HELZ2: variants seen among roughly 807,000 people sequenced by gnomAD.
The protein encoded by HELZ2 is 3'-5' exoribonuclease HELZ2.
Under a neutral mutation model 208.8 loss-of-function variants are expected in HELZ2, and 143 were observed. The observed-to-expected ratio is 0.68, with a 90% CI of 0.60 to 0.79. The LOEUF (loss-of-function observed/expected upper bound fraction) is 0.79. HELZ2 is among the 30% of genes least tolerant of loss of function. The pLI, the probability that HELZ2 is intolerant of heterozygous loss-of-function variation, is 0.00. For synonymous variants in HELZ2, 1,705 were observed against 1,693.7 expected, an observed-to-expected ratio of 1.01 and a Z score of -0.16; for missense variants, 3,690 against 3,794.5, an observed-to-expected ratio of 0.97 and a Z score of 0.72.
At chr20:63,563,805 A>G (rs575681647) in exon 8 of HELZ2, 1 of 1,602,030 alleles carries the variant, frequency 6.2e-7, no homozygotes, top group Admixed American at 1.7e-5. Flanking sequence ...CGGATGGGCG[A>G]GGTGGCCCAC....
At position 63,559,997 on chromosome 20, in the gene HELZ2, C is replaced by G. The variant is rs772801880; in HGVS notation, c.7756G>C (p.Gly2586Arg). ...ACTTGGTTGGGGTCCACAACGAAGC[C>G]CAGAAACTTCTTGAGCCAGCTCTTG... The change falls in exon 18 of 19, where the codon GGC (glycine) becomes CGC (arginine). Residue 2586 changes from glycine (G) to arginine (R), a missense_variant. Around this residue, in one of 3 missense-constraint regions of HELZ2, gnomAD observed 2,564 missense variants for 2,580.5 expected, o/e 0.99. Transcript: ENST00000467148. 1.8e-5 allele frequency: 29 copies of G among 1,612,306 alleles called. No individual in the cohort carries two copies. Among genetic ancestry groups the G allele is most frequent in the Non-Finnish European group, 2.2e-5 (26 of 1,179,990 alleles).
At chr20:63,559,816 G>C in intron 18 of HELZ2, 112 bp downstream of exon 19, 1 of 1,026,460 alleles carries the variant, frequency 9.7e-7, no homozygotes, top group Non-Finnish European at 1.4e-6. Flanking sequence ...GGGTCAGGTG[G>C]GAGGAGTCAG....
chr20:63,570,026 A>G, intron 3 of HELZ2: 1 of 439,594 alleles, frequency 2.3e-6, no homozygotes, highest in Non-Finnish European at 4.2e-6. Context: ...TCAACTCACT[A>G]CAACCTCCGC....
exon 8 of HELZ2, chr20:63,565,055 G>C (rs1343473717): frequency 1.3e-6 from 2 of 1,562,528 alleles, no homozygotes; most frequent in East Asian, 4.8e-5. Context: ...GGCCTCGGCG[G>C]TGAGCCTCTC....
chr20:63,567,192 C>A (rs751594629), exon 6 of HELZ2: 1 of 1,608,296 alleles, frequency 6.2e-7, no homozygotes, highest in East Asian at 2.2e-5. Flanking sequence ...GCTGGTAGCA[C>A]AGGAAGAGGC....
intron 7 of HELZ2, 41 bp downstream of exon 8, chr20:63,566,337 C>T (rs148389862): frequency 2.0e-6 from 3 of 1,538,188 alleles, no homozygotes; most frequent in Admixed American, 2.0e-5. Flanking sequence ...CCCGGGGTAT[C>T]CTGGGGCAGC....
exon 1 of HELZ2, chr20:63,572,244 T>C (rs200635909): frequency 6.4e-7 from 1 of 1,568,794 alleles, no homozygotes; most frequent in Non-Finnish European, 8.6e-7. Flanking sequence ...GAGTGGCAGG[T>C]GACCAAGCAG....
At chr20:63,570,900 A>C in intron 1 of HELZ2, 32 bp from the exon 3 acceptor site, 1 of 1,535,846 alleles carries the variant, frequency 6.5e-7, no homozygotes, top group Non-Finnish European at 8.8e-7. Context: ...AGGGCTACAC[A>C]GAGGCACAGC....
chr20:63,561,235 C>T lies in HELZ2; in HGVS notation c.6993G>A (p.Leu2331=), dbSNP rs150377180. Residue 2331 remains leucine, a synonymous_variant, in exon 14 of 19, where the codon CTG becomes CTA. Transcript: ENST00000467148. ...TGCAGAGGATGACCTCATGCCGGTCCAGCTCGAACTTCCGAGCCTCCCACA... is the reference window on the plus strand; with the variant it reads ...TGCAGAGGATGACCTCATGCCGGTCTAGCTCGAACTTCCGAGCCTCCCACA... The T allele has an allele frequency of 9.7e-5, 157 of 1,612,820 alleles. No homozygotes were observed. The African/African-American group carries it at 1.9e-3, about 19-fold the overall frequency.
chr20:63,570,647 A>AGGCCCCCCC, intron 2 of HELZ2, 36 bp from the exon 4 acceptor site: 11 of 1,497,340 alleles, frequency 7.3e-6, no homozygotes, highest in Non-Finnish European at 9.2e-6. Context: ...AGAGGCCTGG[A>AGGCCCCCCC]CCCCACCCCA....
At chr20:63,562,339 G>C (rs1469528427) in exon 9 of HELZ2, 1 of 1,596,276 alleles carries the variant, frequency 6.3e-7, no homozygotes, top group Admixed American at 1.7e-5. Flanking sequence ...CTGGTGACCA[G>C]CGGGGACGCC....
chr20:63,567,230 G>A lies in HELZ2; in HGVS notation c.2128C>T (p.Arg710Trp), dbSNP rs35691275. 4.3e-4 allele frequency: 693 copies of A among 1,607,814 alleles called. 2 individuals carry two copies. The highest frequency in any genetic ancestry group is 2.3e-3 in the Middle Eastern group (14 of 6,062). Residue 710 changes from arginine to tryptophan, a missense_variant, in exon 6 of 19, where the codon CGG becomes TGG. By Grantham distance (101) the Arg-to-Trp change is moderately radical. Coordinates refer to ENST00000467148, the Ensembl canonical transcript of HELZ2. ...TGCAGCAGCGTGTGCTCGGCCGCCC[G>A]GGCCCTGGCCACACTGAACAGCCGG...
At chr20:63,570,073 C>T (rs377419403) in intron 3 of HELZ2, 64 of 412,472 alleles carry the variant, frequency 1.6e-4, no homozygotes, top group African/African-American at 1.2e-3. Context: ...CTCAGCCTCC[C>T]GAGTAGATGG....
chr20:63,558,309 C>T (rs1356840522), downstream of HELZ2: 1 of 152,014 alleles, frequency 6.6e-6, no homozygotes, highest in Non-Finnish European at 1.5e-5. Flanking sequence ...CCCGGCACCC[C>T]CCAACCCCCG....
exon 8 of HELZ2, chr20:63,564,675 C>G (rs766206948): frequency 6.3e-7 from 1 of 1,585,638 alleles, no homozygotes; most frequent in Non-Finnish European, 8.6e-7. Context: ...TCCAGCACCC[C>G]GTCCCTGGGC....
rs773439764 is a variant in HELZ2, at chr20:63,563,075, A to T, written c.5747T>A (p.Val1916Glu). Residue 1916 changes from valine to glutamate, a missense_variant, in exon 8 of 19, where the codon GTG becomes GAG. By Grantham distance (121) the Val-to-Glu change is moderately radical (BLOSUM62 -2). Around this residue, in one of 3 missense-constraint regions of HELZ2, gnomAD observed 2,564 missense variants for 2,580.5 expected, o/e 0.99. Transcript: ENST00000467148. ...TGAGAAGCAGTCTCCGGGCCGCTCC[A>T]CGTGCTCCAGGCAGAGGCTGAAGCC... is the stretch of plus-strand genomic sequence containing the variant. 4.4e-6 allele frequency: 7 copies of T among 1,598,302 alleles called. No individual in the cohort carries two copies. The Admixed American group carries it at 1.2e-4, about 27-fold the overall frequency.
At chr20:63,567,978 G>C in intron 5 of HELZ2, 2 of 544,254 alleles carry the variant, frequency 3.7e-6, no homozygotes, top group South Asian at 4.8e-5. Context: ...CCCCGGCCTG[G>C]GGAGGTGGTG....
rs778543689 is a variant in HELZ2, at chr20:63,563,910, G to A, written c.4912C>T (p.Leu1638Phe). ...GCCGAGCGCTCCAGGGCCTTGCGGA[G>A]GTCGCGGCCTGCAGGAGCCAGGAAT... The change falls in exon 8 of 19, where the codon CTC (leucine) becomes TTC (phenylalanine). Residue 1638 changes from leucine to phenylalanine, a missense_variant. Transcript: ENST00000467148. 5.6e-6 allele frequency: 9 copies of A among 1,594,768 alleles called. No homozygotes were observed. Among genetic ancestry groups the A allele is most frequent in the Non-Finnish European group, 7.7e-6 (9 of 1,168,732 alleles).
exon 8 of HELZ2, chr20:63,563,681 T>A: frequency 6.3e-7 from 1 of 1,576,282 alleles, no homozygotes; most frequent in South Asian, 1.1e-5. Flanking sequence ...GGCAAGTGCG[T>A]GCTGGAGGCT....
Sources: allele counts gnomAD v4.1 joint callset, GRCh38; gene constraint gnomAD v4.1.1; regional missense constraint gnomAD v4.1.1; transcripts MANE v1.5; gene names NCBI Gene and HGNC (gene_info 2026-07-23, HGNC 2026-07-21).